NSL1: variants seen among roughly 807,000 people sequenced by gnomAD.
NSL1 encodes kinetochore-associated protein NSL1 homolog.
A neutral mutation model predicts 25.4 loss-of-function variants in NSL1; 11 were observed. The ratio of observed to expected loss-of-function variants is 0.43; its 90% confidence interval spans 0.27 to 0.72. The LOEUF (loss-of-function observed/expected upper bound fraction) is 0.72. Ranked by LOEUF, NSL1 falls within the 30% of genes least tolerant of loss-of-function variation. NSL1 has a pLI of 0.19. For missense variants in NSL1, 330 were observed against 342.7 expected, an observed-to-expected ratio of 0.96 and a Z score of 0.29; for synonymous variants, 118 against 120.6, an observed-to-expected ratio of 0.98 and a Z score of 0.14.
chr1:212,778,988 A>G (rs1267258047), intron 4 of NSL1, among the ~76,000 whole-genome samples: 3 of 149,232 alleles, frequency 2.0e-5, no homozygotes, highest in East Asian at 2.1e-4. Flanking sequence ...CCATCTAGGA[A>G]GTGAGGAGCG....
Position 212,727,746 on chromosome 1 carries a change from G to T in NSL1, c.*10662C>A. ...ATTTCCCAAGAAATTAACAGCAAAAGTTCATATTTAACCTCATTAAGATAA... is the reference window on the plus strand; with the variant it reads ...ATTTCCCAAGAAATTAACAGCAAAATTTCATATTTAACCTCATTAAGATAA... On this transcript the variant is annotated 3_prime_UTR_variant, in exon 6 of 6. Transcript: ENST00000366977. The T allele has an allele frequency of 1.0e-6, 1 of 984,476 alleles. No homozygotes were observed. The highest frequency in any genetic ancestry group is 1.2e-6 in the Non-Finnish European group (1 of 829,088). The allele number at this position is 984,476 out of a possible 1,614,324, so 61.0% of individuals were successfully genotyped here. A position where few individuals can be genotyped will look rare whatever the true frequency, so the allele number is the denominator to read the frequency against.
chr1:212,785,584 T>C (rs1660908115), intron 2 of NSL1, among the ~76,000 whole-genome samples: 1 of 152,088 alleles, frequency 6.6e-6, no homozygotes, highest in Non-Finnish European at 1.5e-5. Flanking sequence ...AGTGAGAACA[T>C]GCGGTGTTTG....
chr1:212,747,599 C>A (rs1353149870), intron 4 of NSL1, among the ~76,000 whole-genome samples: 2 of 152,178 alleles, frequency 1.3e-5, no homozygotes, highest in Non-Finnish European at 2.9e-5. Context: ...AGATTAATGA[C>A]CCTCAGAAAC....
chr1:212,787,620 C>T lies in NSL1; in HGVS notation c.252G>A (p.Val84=), dbSNP rs1660999388. ...GCCCATTAATGCTGATATTCTCTTG[C>T]ACAGCTGATTCAAAAGTCTGCAATA... ...RDAQWTFESA[V]QENISINGQA... is the part of the protein sequence containing the mutation. The change falls in exon 2 of 6, where the codon GTG becomes GTA. Residue 84 remains valine (V), a synonymous_variant. Transcript: ENST00000366977. The T allele has an allele frequency of 6.2e-7, 1 of 1,601,896 alleles. No individual in the cohort carries two copies. Among genetic ancestry groups the T allele is most frequent in the African/African-American group, 1.3e-5 (1 of 74,400 alleles).
intron 4 of NSL1, among the ~76,000 whole-genome samples, chr1:212,771,052 G>T (rs1183670451): frequency 6.6e-6 from 1 of 152,154 alleles, no homozygotes; most frequent in Non-Finnish European, 1.5e-5. Context: ...AGCAGCTCAC[G>T]CCTATAATCC....
At chr1:212,763,154 C>G (rs1013679402) in intron 4 of NSL1, among the ~76,000 whole-genome samples, 3 of 152,164 alleles carry the variant, frequency 2.0e-5, no homozygotes, top group Admixed American at 6.5e-5. Context: ...TGTGAAAGAG[C>G]TGGGTGAGGC....
At position 212,730,218 on chromosome 1, in the gene NSL1, C is replaced by G; in HGVS notation, c.*8190G>C. On this transcript the variant is annotated 3_prime_UTR_variant, in exon 6 of 6. Coordinates refer to ENST00000366977, the MANE Select transcript of NSL1 (RefSeq NM_015471.4). ...TGAGTTGAGATCGCTCCACTACACTCCAGCCTGGGTGACAGTCTCAAAAAA... is the reference window on the plus strand; with the variant it reads ...TGAGTTGAGATCGCTCCACTACACTGCAGCCTGGGTGACAGTCTCAAAAAA... The G allele has an allele frequency of 3.1e-6, 3 of 959,678 alleles. No homozygotes were observed. The highest frequency in any genetic ancestry group is 3.7e-6 in the Non-Finnish European group (3 of 821,338). 59.4% of individuals were successfully genotyped at this position (959,678 alleles called of 1,614,324 possible).
intron 4 of NSL1, among the ~76,000 whole-genome samples, chr1:212,771,611 C>CAAAAAAA (rs57899487): frequency 6.3e-5 from 4 of 63,928 alleles, no homozygotes; most frequent in South Asian, 6.5e-4. Context: ...AAGACTCCAC[C>CAAAAAAA]AAAAAAAAAA....
intron 1 of NSL1, 150 bp from the exon 2 acceptor site, chr1:212,787,787 T>G (rs1056952319): frequency 1.1e-5 from 5 of 464,268 alleles, no homozygotes; most frequent in Non-Finnish European, 1.9e-5. Flanking sequence ...TCAATGAAGA[T>G]TCCACTTCAA....
chr1:212,738,443 G>T lies in NSL1; in HGVS notation c.811C>A (p.Pro271Thr). The T allele has an allele frequency of 6.2e-7, 1 of 1,613,544 alleles. No homozygotes were observed. The highest frequency in any genetic ancestry group is 8.5e-7 in the Non-Finnish European group (1 of 1,179,872). Residue 271 changes from proline (P) to threonine (T), a missense_variant, in exon 6 of 6, where the codon CCA becomes ACA. Coordinates refer to ENST00000366977, the MANE Select transcript of NSL1 (RefSeq NM_015471.4). ...TKDCPQRKWY[P>T]LRPKKINLDT ...AGATTAATTTTCTTTGGCCGCAATG[G>T]ATACCATTTTCTCTGGGGGCAGTCT...
At chr1:212,761,789 T>C (rs895802320) in intron 4 of NSL1, among the ~76,000 whole-genome samples, 1 of 151,764 alleles carries the variant, frequency 6.6e-6, no homozygotes, top group Non-Finnish European at 1.5e-5. Context: ...AGATATCATT[T>C]TAAAAAATCA....
At chr1:212,764,843 C>CAAAAAAAAAAAAAAA (rs3086471) in intron 4 of NSL1, among the ~76,000 whole-genome samples, 14 of 38,874 alleles carry the variant, frequency 3.6e-4, no homozygotes, top group Non-Finnish European at 4.4e-4. Flanking sequence ...AAGACTGTCT[C>CAAAAAAAAAAAAAAA]AAAAAAAAAA....
intron 4 of NSL1, among the ~76,000 whole-genome samples, chr1:212,778,862 C>T (rs1469665378): frequency 2.0e-4 from 30 of 151,910 alleles, no homozygotes; most frequent in African/African-American, 6.0e-4. Context: ...GGCCGCCTAT[C>T]GTCTGGGATG....
chr1:212,727,007 A>G lies in NSL1; in HGVS notation c.*11401T>C. The G allele has an allele frequency of 2.8e-6, 3 of 1,089,620 alleles. No homozygotes were observed. Among genetic ancestry groups the G allele is most frequent in the Non-Finnish European group, 3.9e-6 (3 of 771,084 alleles). 67.5% of individuals were successfully genotyped at this position (1,089,620 alleles called of 1,614,324 possible). A position where few individuals can be genotyped will look rare whatever the true frequency, so the allele number is the denominator to read the frequency against. ...GGCTGTGTCCTCTCAGAGGCCCTCC[A>G]GTCCAGTCTACTCCGGCCTTGGAGA... On this transcript the variant is annotated 3_prime_UTR_variant, in exon 6 of 6. Coordinates refer to ENST00000366977, the MANE Select transcript of NSL1 (RefSeq NM_015471.4).
At chr1:212,771,052 G>A (rs1183670451) in intron 4 of NSL1, among the ~76,000 whole-genome samples, 2 of 152,154 alleles carry the variant, frequency 1.3e-5, no homozygotes, top group African/African-American at 4.8e-5. Flanking sequence ...AGCAGCTCAC[G>A]CCTATAATCC....
At chr1:212,742,083 C>G (rs1238626293) in intron 4 of NSL1, among the ~76,000 whole-genome samples, 8 of 152,032 alleles carry the variant, frequency 5.3e-5, no homozygotes, top group Admixed American at 1.3e-4. Context: ...TGTAAAGATC[C>G]CATTACTATT....
chr1:212,769,910 T>C (rs1352720765), intron 4 of NSL1, among the ~76,000 whole-genome samples: 1 of 152,122 alleles, frequency 6.6e-6, no homozygotes, highest in Non-Finnish European at 1.5e-5. Flanking sequence ...AATAGCTTAA[T>C]GGATAAAAAA....
chr1:212,730,237 CAAAAAAAAAAAAAAAAAA>C lies in NSL1; in HGVS notation c.*8153_*8170del, dbSNP rs532313864. The stretch of plus-strand genomic sequence containing the variant: ...TACACTCCAGCCTGGGTGACAGTCT[CAAAAAAAAAAAAAAAAAA>C]AAAAAAAAAAGAAATGCGCCAAGTC... On this transcript the variant is annotated 3_prime_UTR_variant, in exon 6 of 6. Coordinates refer to ENST00000366977, the MANE Select transcript of NSL1 (RefSeq NM_015471.4). 3.1e-5 allele frequency: 19 copies of C among 603,936 alleles called. No individual in the cohort carries two copies. The highest frequency in any genetic ancestry group is 3.5e-5 in the Non-Finnish European group (19 of 539,494). 37.4% of individuals were successfully genotyped at this position (603,936 alleles called of 1,614,324 possible).
Position 212,726,298 on chromosome 1 carries a change from AAC to A in NSL1, c.*12108_*12109del, listed in dbSNP as rs1657782732. ...ATGAAAGGATCAGATGTCCCCCATA[AAC>A]AACTACTCTACTCAGTAGGAAGAAA... On this transcript the variant is annotated 3_prime_UTR_variant, in exon 6 of 6. Coordinates refer to ENST00000366977, the MANE Select transcript of NSL1 (RefSeq NM_015471.4). The A allele has an allele frequency of 6.6e-6, 1 of 152,204 alleles. No individual in the cohort carries two copies. Among genetic ancestry groups the A allele is most frequent in the Non-Finnish European group, 1.5e-5 (1 of 68,060 alleles). 9.4% of individuals were successfully genotyped at this position (152,204 alleles called of 1,614,324 possible). A position where few individuals can be genotyped will look rare whatever the true frequency, so the allele number is the denominator to read the frequency against.
Sources: allele counts gnomAD v4.1 joint callset (sites outside exome capture counted in the v4.1 genomes callset), GRCh38; gene constraint gnomAD v4.1.1; transcripts MANE v1.5; gene names NCBI Gene and HGNC (gene_info 2026-07-23, HGNC 2026-07-21).